The following BMPR2 variants were observed in gnomAD, a reference collection of about 807,000 sequenced individuals.
The protein encoded by BMPR2 is bone morphogenetic protein receptor type-2.
In BMPR2, 29 loss-of-function variants were observed where a neutral mutation model predicts 100.8. The observed-to-expected ratio is 0.29, with a 90% CI of 0.21 to 0.39. The LOEUF is 0.39. Ranked by LOEUF, BMPR2 falls within the 10% of genes least tolerant of loss-of-function variation. The probability of loss-of-function intolerance (pLI) is 1.00; values close to 1 mark genes in which losing one functional copy is unlikely to be tolerated. For missense variants in BMPR2, 1,011 were observed against 1,274.5 expected (o/e 0.79, Z 3.15); for synonymous variants, 382 against 442.3 (o/e 0.86, Z 1.71).
At chr2:202,520,419 G>A in intron 7 of BMPR2, 1 of 572,306 alleles carries the variant, frequency 1.7e-6, no homozygotes, top group South Asian at 2.1e-5. Context: ...CCTGGTGCTT[G>A]ATAGCTGAGT....
intron 1 of BMPR2, among the ~76,000 whole-genome samples, chr2:202,394,306 G>A (rs1366897275): frequency 6.6e-5 from 10 of 151,786 alleles, no homozygotes; most frequent in Non-Finnish European, 8.8e-5. Context: ...AGCCAAGATC[G>A]TGCCATTGCA....
At chr2:202,498,231 T>A (rs901677749) in intron 3 of BMPR2, among the ~76,000 whole-genome samples, 7 of 152,188 alleles carry the variant, frequency 4.6e-5, no homozygotes, top group Non-Finnish European at 7.3e-5. Flanking sequence ...TTTTTCTCAG[T>A]CGGTCCTCCT....
At chr2:202,409,417 A>G (rs191801180) in intron 1 of BMPR2, among the ~76,000 whole-genome samples, 1 of 152,298 alleles carries the variant, frequency 6.6e-6, no homozygotes, top group Admixed American at 6.5e-5. Flanking sequence ...CCCCACAGGT[A>G]TATGATCTGT....
chr2:202,497,030 G>A (rs1383093300), intron 3 of BMPR2, among the ~76,000 whole-genome samples: 1 of 152,254 alleles, frequency 6.6e-6, no homozygotes, highest in Non-Finnish European at 1.5e-5. Flanking sequence ...GCCGGCCCCA[G>A]GCAATGAGGG....
chr2:202,536,583 CT>C (rs1457019731), intron 9 of BMPR2, among the ~76,000 whole-genome samples: 3 of 148,770 alleles, frequency 2.0e-5, no homozygotes, highest in Non-Finnish European at 3.0e-5. Flanking sequence ...TCAACAAGTA[CT>C]TTTTTTGGCC....
chr2:202,428,366 GTCTC>G (rs890475105), intron 1 of BMPR2, among the ~76,000 whole-genome samples: 6 of 150,554 alleles, frequency 4.0e-5, no homozygotes. Context: ...AGTCGAGTCT[GTCTC>G]TCTCCTTCTG....
chr2:202,380,830 G>A (rs1690267886), intron 1 of BMPR2, among the ~76,000 whole-genome samples: 1 of 151,670 alleles, frequency 6.6e-6, no homozygotes, highest in African/African-American at 2.4e-5. Context: ...TGTTGGTCAG[G>A]CTGGTCTTGA....
intron 1 of BMPR2, among the ~76,000 whole-genome samples, chr2:202,396,033 A>G (rs2105906890): frequency 6.6e-6 from 1 of 152,336 alleles, no homozygotes; most frequent in East Asian, 1.9e-4. Context: ...GTTCTTTGGA[A>G]GAGCAGCCAG....
At chr2:202,434,939 ATT>A (rs1357907574) in intron 1 of BMPR2, among the ~76,000 whole-genome samples, 7 of 111,406 alleles carry the variant, frequency 6.3e-5, no homozygotes, top group Non-Finnish European at 1.2e-4. Flanking sequence ...ATATATATTT[ATT>A]TATTTATTTA....
At chr2:202,381,112 C>T (rs1437218168) in intron 1 of BMPR2, among the ~76,000 whole-genome samples, 1 of 151,286 alleles carries the variant, frequency 6.6e-6, no homozygotes, top group Non-Finnish European at 1.5e-5. Context: ...GTAGCTGGGA[C>T]TACAGGTGTG....
At chr2:202,443,765 TA>T (rs1256801105) in intron 1 of BMPR2, among the ~76,000 whole-genome samples, 1 of 150,590 alleles carries the variant, frequency 6.6e-6, no homozygotes, top group Non-Finnish European at 1.5e-5. Context: ...TGGTAGAGAC[TA>T]TTGGTCTTTG....
intron 10 of BMPR2, among the ~76,000 whole-genome samples, chr2:202,547,599 A>T (rs749519733): frequency 6.6e-6 from 1 of 151,538 alleles, no homozygotes; most frequent in African/African-American, 2.4e-5. Context: ...CCTGGCCAAC[A>T]TGGTGAAACC....
intron 3 of BMPR2, among the ~76,000 whole-genome samples, chr2:202,492,725 C>CCA (rs1692931421): frequency 1.8e-5 from 2 of 111,688 alleles, no homozygotes; most frequent in African/African-American, 3.3e-5. Flanking sequence ...AAAAAAAAAC[C>CCA]AAAAAAAAAA....
chr2:202,396,997 A>G (rs960564681), intron 1 of BMPR2, among the ~76,000 whole-genome samples: 11 of 151,990 alleles, frequency 7.2e-5, no homozygotes, highest in African/African-American at 2.7e-4. Flanking sequence ...GGGTTTCTCC[A>G]TGTTAGTCAT....
At chr2:202,381,677 C>G (rs1297295928) in intron 1 of BMPR2, among the ~76,000 whole-genome samples, 1 of 152,148 alleles carries the variant, frequency 6.6e-6, no homozygotes, top group African/African-American at 2.4e-5. Context: ...GTAAGATGGT[C>G]CAGAAGGGAG....
At chr2:202,479,329 C>G (rs985655360) in intron 3 of BMPR2, among the ~76,000 whole-genome samples, 1 of 152,154 alleles carries the variant, frequency 6.6e-6, no homozygotes, top group Non-Finnish European at 1.5e-5. Context: ...TAGATACTGT[C>G]TTAGTTGAGT....
chr2:202,468,873 T>C (rs1025848107), intron 3 of BMPR2, among the ~76,000 whole-genome samples: 2 of 152,166 alleles, frequency 1.3e-5, no homozygotes. Context: ...CTATCTATTA[T>C]TGACTTACCT....
At chr2:202,384,354 G>A (rs1690371574) in intron 1 of BMPR2, among the ~76,000 whole-genome samples, 1 of 152,140 alleles carries the variant, frequency 6.6e-6, no homozygotes, top group South Asian at 2.1e-4. Context: ...TGTGTCGACG[G>A]TGGACTTGGT....
At chr2:202,424,386 A>G (rs1453498460) in intron 1 of BMPR2, among the ~76,000 whole-genome samples, 8 of 150,918 alleles carry the variant, frequency 5.3e-5, no homozygotes, top group Non-Finnish European at 1.2e-4. Flanking sequence ...GAAAAAAAAA[A>G]AAACACGTTT....
Sources: gnomAD v4.1 joint callset for allele counts (sites outside exome capture counted in the v4.1 genomes callset) on GRCh38, gnomAD v4.1.1 for gene constraint, MANE v1.5 for transcripts, NCBI Gene and HGNC (gene_info 2026-07-23, HGNC 2026-07-21) for gene names.